The following DIS3L2 variants were observed in gnomAD, a reference collection of about 807,000 sequenced individuals.
DIS3L2 encodes the protein DIS3 like 3'-5' exoribonuclease 2.
In DIS3L2, 34 loss-of-function variants were observed where a neutral mutation model predicts 97.5. The observed-to-expected ratio is 0.35, with a 90% CI of 0.27 to 0.46. The LOEUF is 0.46. Ranked by LOEUF, DIS3L2 falls within the 20% of genes least tolerant of loss-of-function variation. The pLI, the probability that DIS3L2 is intolerant of heterozygous loss-of-function variation, is 1.00. For missense variants in DIS3L2, 1,038 were observed against 1,146.0 expected, an observed-to-expected ratio of 0.91 and a Z score of 1.36; for synonymous variants, 435 against 445.2, an observed-to-expected ratio of 0.98 and a Z score of 0.29.
At position 232,111,188 on chromosome 2, in the gene DIS3L2, G is replaced by T. The variant is rs1334231727; in HGVS notation, c.602-19431G>T. On this transcript the variant is annotated intron_variant, in intron 6 of 20. Transcript: ENST00000325385. ...ACAACTGATATAGTTCATCCCTTCT[G>T]TTTTACAGACAATGAAATTGAGGCT... The T allele has an allele frequency of 2.3e-5, 11 of 470,940 alleles. No homozygotes were observed. The East Asian group carries it at 7.6e-4, about 33-fold the overall frequency. 29.2% of individuals were successfully genotyped at this position (470,940 alleles called of 1,614,324 possible). A position where few individuals can be genotyped will look rare whatever the true frequency, so the allele number is the denominator to read the frequency against.
intron 9 of DIS3L2, among the ~76,000 whole-genome samples, chr2:232,165,350 C>G (rs1172581756): frequency 6.6e-6 from 1 of 152,018 alleles, no homozygotes; most frequent in South Asian, 2.1e-4. Flanking sequence ...TAAATATACA[C>G]ATATACATAT....
chr2:232,292,399 G>A lies in DIS3L2; in HGVS notation c.1660-7641G>A, dbSNP rs1303366520. Among the ~76,000 whole-genome samples, 1 of 152,154 alleles carries A rather than the reference G, an allele frequency of 6.6e-6. No individual in the cohort carries two copies. The highest frequency in any genetic ancestry group is 1.5e-5 in the Non-Finnish European group (1 of 68,026). Reference sequence around the variant, plus strand: ...CATCTGCTGGGAGGGTCGCCTTGCTGTCTCCATTGTCATCCTACCCAGAAA... The same window carrying A: ...CATCTGCTGGGAGGGTCGCCTTGCTATCTCCATTGTCATCCTACCCAGAAA... On this transcript the variant is annotated intron_variant, in intron 13 of 20. Transcript: ENST00000325385. This position sits in a 1 kb window ranked among gnomAD's most constrained non-coding sequence, Gnocchi z 4.4.
intron 5 of DIS3L2, among the ~76,000 whole-genome samples, chr2:232,053,854 C>T (rs969505933): frequency 2.0e-5 from 3 of 152,164 alleles, no homozygotes; most frequent in African/African-American, 7.2e-5. Flanking sequence ...ATGGAGGCCA[C>T]ATTACACAGG....
intron 13 of DIS3L2, among the ~76,000 whole-genome samples, chr2:232,291,974 T>C (rs149032096): frequency 2.6e-5 from 4 of 152,354 alleles, no homozygotes; most frequent in African/African-American, 9.6e-5. Flanking sequence ...TGGAGTTTAG[T>C]GCCTAGTGGC....
In DIS3L2 at chr2:232,337,163, T is replaced by G. The variant is rs1468544906; in HGVS notation, c.*533T>G. 1.0e-6 allele frequency: 1 copy of G among 998,056 alleles called. No individual in the cohort carries two copies. The highest frequency in any genetic ancestry group is 1.2e-6 in the Non-Finnish European group (1 of 839,394). The allele number at this position is 998,056 out of a possible 1,614,324, so 61.8% of individuals were successfully genotyped here. On this transcript the variant is annotated 3_prime_UTR_variant, in exon 21 of 21. Transcript: ENST00000325385. ...GATGATTGATACTGGAGTCTCATTC[T>G]GCCTGATTAAAAATGGAATTAGTAT...
chr2:232,284,446 C>A (rs1694374657), intron 13 of DIS3L2, among the ~76,000 whole-genome samples: 1 of 152,210 alleles, frequency 6.6e-6, no homozygotes, highest in South Asian at 2.1e-4. Context: ...TCTTCGATAC[C>A]ACGATCAATG....
chr2:232,153,995 C>T (rs1253908571), intron 8 of DIS3L2, among the ~76,000 whole-genome samples: 46 of 143,768 alleles, frequency 3.2e-4, no homozygotes, highest in Non-Finnish European at 4.4e-4. Flanking sequence ...TTGATCGCAT[C>T]GGCTCCTGAG....
At chr2:231,963,201 A>G (rs1692618120) in intron 1 of DIS3L2, among the ~76,000 whole-genome samples, 1 of 152,206 alleles carries the variant, frequency 6.6e-6, no homozygotes, top group African/African-American at 2.4e-5. Flanking sequence ...CACCAACAGT[A>G]GTTTAAATGT....
At chr2:232,046,250 CT>C (rs1186425419) in intron 5 of DIS3L2, among the ~76,000 whole-genome samples, 45 of 152,274 alleles carry the variant, frequency 3.0e-4, no homozygotes, top group African/African-American at 7.7e-4. Flanking sequence ...TCTGCCTGTC[CT>C]CTCTAATACA....
At position 232,335,850 on chromosome 2, in the gene DIS3L2, C is replaced by T. The variant is rs1466092273; in HGVS notation, c.2472C>T (p.Asp824=). 9.0e-6 allele frequency: 14 copies of T among 1,550,716 alleles called. No homozygotes were observed. ...PELTLVWEPE[D]MEQEPAQQVI... ...TCACGCTGGTCTGGGAGCCTGAGGACATGGAGCAGGAGCCAGCACAGCAGG... is the reference window on the plus strand; with the variant it reads ...TCACGCTGGTCTGGGAGCCTGAGGATATGGAGCAGGAGCCAGCACAGCAGG... Residue 824 remains aspartate (D), a synonymous_variant, in exon 20 of 21, where the codon GAC becomes GAT. Coordinates refer to ENST00000325385, the MANE Select transcript of DIS3L2 (RefSeq NM_152383.5).
chr2:232,041,624 A>G (rs181392687), intron 5 of DIS3L2, among the ~76,000 whole-genome samples: 2 of 152,306 alleles, frequency 1.3e-5, no homozygotes. Flanking sequence ...CAGCTGTGGT[A>G]TTTTAGTTGA....
At chr2:232,135,811 A>T (rs1478322493) in intron 7 of DIS3L2, among the ~76,000 whole-genome samples, 2 of 152,048 alleles carry the variant, frequency 1.3e-5, no homozygotes, top group Non-Finnish European at 1.5e-5. Context: ...TGAGGAAGGG[A>T]TGAGCCTGCA....
chr2:231,981,440 A>G (rs971310415), intron 1 of DIS3L2, among the ~76,000 whole-genome samples: 7 of 151,266 alleles, frequency 4.6e-5, no homozygotes, highest in Admixed American at 2.0e-4. Flanking sequence ...TAGTCATTTT[A>G]TCTGTAAATA....
At chr2:232,005,170 A>ATTTTTTTTT (rs55757645) in intron 1 of DIS3L2, among the ~76,000 whole-genome samples, 299 of 126,468 alleles carry the variant, frequency 2.4e-3, no homozygotes, top group Non-Finnish European at 3.3e-3. Flanking sequence ...AAGAATCTTG[A>ATTTTTTTTT]TTTTTTTTTT....
chr2:232,313,369 A>T (rs1400809679), intron 14 of DIS3L2, among the ~76,000 whole-genome samples: 1 of 152,230 alleles, frequency 6.6e-6, no homozygotes, highest in East Asian at 1.9e-4. Context: ...ATGAAAAGGA[A>T]CTAATGTTTA....
rs10168335 is a variant in DIS3L2, at chr2:232,098,617, G to A, written c.601+10896G>A. ...GATCCACCTGCCTTGGCCTCCCAAA[G>A]TGCTGGGATTACAGGTGTGAGTCAC... On this transcript the variant is annotated intron_variant, in intron 6 of 20. Coordinates refer to ENST00000325385, the MANE Select transcript of DIS3L2 (RefSeq NM_152383.5). 2.0e-3 allele frequency among the ~76,000 whole-genome samples: 307 copies of A among 152,238 alleles called. 1 individual carries two copies. The highest frequency in any genetic ancestry group is 3.5e-3 in the Non-Finnish European group (241 of 68,000).
rs1431310729 is a variant in DIS3L2, at chr2:232,292,092, G to T, written c.1660-7948G>T. ...GCCCAGAGGGACCCCTGGCATGCTTGCCTAGCCACACTTTCCTGTCTTGTC... is the reference window on the plus strand; with the variant it reads ...GCCCAGAGGGACCCCTGGCATGCTTTCCTAGCCACACTTTCCTGTCTTGTC... On this transcript the variant is annotated intron_variant, in intron 13 of 20. Transcript: ENST00000325385. The surrounding 1 kb of genome is among the most constrained non-coding windows in gnomAD (Gnocchi z 4.4). Among the ~76,000 whole-genome samples, 1 of 152,108 alleles carries T rather than the reference G, an allele frequency of 6.6e-6. No homozygotes were observed. The highest frequency in any genetic ancestry group is 1.5e-5 in the Non-Finnish European group (1 of 68,004).
rs147916465 is a variant in DIS3L2, at chr2:232,311,110, C to A, written c.1739+10991C>A. ...CCCTTTGTAGAAATCACTAGACCTT[C>A]AGCTCTTTCTGGCTTTCTGAGGCCA... On this transcript the variant is annotated intron_variant, in intron 14 of 20. Coordinates refer to ENST00000325385, the MANE Select transcript of DIS3L2 (RefSeq NM_152383.5). Among the ~76,000 whole-genome samples the A allele has an allele frequency of 3.9e-3, 591 of 152,350 alleles. 10 individuals carry two copies. The highest frequency in any genetic ancestry group is 0.014 in the African/African-American group (575 of 41,574).
At chr2:232,322,291 AGCTCCCTGT>A (rs1029079573) in intron 14 of DIS3L2, among the ~76,000 whole-genome samples, 2 of 152,170 alleles carry the variant, frequency 1.3e-5, no homozygotes, top group African/African-American at 2.4e-5. Flanking sequence ...GAGCTCACTG[AGCTCCCTGT>A]GCTCCTGCCA....
Sources: gnomAD v4.1 joint callset for allele counts (sites outside exome capture counted in the v4.1 genomes callset) on GRCh38, gnomAD v4.1.1 for gene constraint, Gnocchi (gnomAD v3.1) non-coding constraint, MANE v1.5 for transcripts, NCBI Gene and HGNC (gene_info 2026-07-23, HGNC 2026-07-21) for gene names.